Variants in ZNF253 observed in about 807,000 individuals in gnomAD.
The protein encoded by ZNF253 is DNA-binding protein.
In ZNF253, 8 loss-of-function variants were observed where a neutral mutation model predicts 11.9. The ratio of observed to expected loss-of-function variants is 0.67; its 90% confidence interval spans 0.40 to 1.22. The LOEUF (loss-of-function observed/expected upper bound fraction) is 1.22, where lower values mean the gene tolerates loss of function less well. Ranked by LOEUF, ZNF253 falls within the 50% of genes most tolerant of loss-of-function variation. ZNF253 has a pLI of 0.01. For missense variants in ZNF253, 485 were observed against 586.9 expected (o/e 0.83, Z 1.79); for synonymous variants, 194 against 194.9 (o/e 1.00, Z 0.04).
intron 3 of ZNF253, among the ~76,000 whole-genome samples, chr19:19,885,787 T>C (rs999652161): frequency 6.6e-6 from 1 of 152,222 alleles, no homozygotes; most frequent in Admixed American, 6.5e-5. Flanking sequence ...AATCCAACTT[T>C]ATTTTATCAG....
intron 1 of ZNF253, among the ~76,000 whole-genome samples, chr19:19,878,105 C>T (rs1373627621): frequency 6.6e-6 from 1 of 152,080 alleles, no homozygotes; most frequent in African/African-American, 2.4e-5. Context: ...AGGTCTTCAG[C>T]TTATTGTGTA....
chr19:19,872,577 A>ATATATATATATATAT (rs1555777035), intron 1 of ZNF253, among the ~76,000 whole-genome samples: 1 of 106,790 alleles, frequency 9.4e-6, no homozygotes, highest in African/African-American at 5.6e-5. Flanking sequence ...ATATATATAT[A>ATATATATATATATAT]TATTATTATA....
chr19:19,887,054 T>C (rs2063209112), intron 3 of ZNF253, among the ~76,000 whole-genome samples: 1 of 152,088 alleles, frequency 6.6e-6, no homozygotes, highest in African/African-American at 2.4e-5. Context: ...CAACTCACTT[T>C]ACTATAAAAT....
upstream of ZNF253, chr19:19,865,842 T>G (rs1195024718): frequency 2.0e-6 from 2 of 980,310 alleles, no homozygotes; most frequent in East Asian, 4.8e-5. Context: ...ACCACATGGT[T>G]TCTGGGGGCC....
At chr19:19,881,879 T>TC (rs1177231217) in intron 3 of ZNF253, among the ~76,000 whole-genome samples, 6 of 152,030 alleles carry the variant, frequency 3.9e-5, no homozygotes, top group Non-Finnish European at 8.8e-5. Context: ...GCCACATACT[T>TC]CCAGTGCTAC....
intron 3 of ZNF253, 140 bp downstream of exon 3, chr19:19,880,286 T>C: frequency 1.9e-6 from 1 of 529,298 alleles, no homozygotes; most frequent in Non-Finnish European, 3.2e-6. Flanking sequence ...TTTTTTTTTT[T>C]TTTTTTCTCC....
chr19:19,871,117 A>G (rs2063132160), intron 1 of ZNF253: 3 of 152,154 alleles, frequency 2.0e-5, no homozygotes, highest in Non-Finnish European at 4.4e-5. Context: ...TCACAGTGAG[A>G]ACTTTTGGAG....
At chr19:19,884,383 T>C (rs971271117) in intron 3 of ZNF253, among the ~76,000 whole-genome samples, 2 of 152,118 alleles carry the variant, frequency 1.3e-5, no homozygotes, top group African/African-American at 4.8e-5. Context: ...ATTTTTATTT[T>C]TTTTTTGAGA....
chr19:19,884,827 C>T (rs2063191899), intron 3 of ZNF253, among the ~76,000 whole-genome samples: 2 of 151,966 alleles, frequency 1.3e-5, no homozygotes, highest in Admixed American at 1.3e-4. Flanking sequence ...ATTATAGTGG[C>T]CATTCTAATG....
chr19:19,872,201 G>A lies in ZNF253; in HGVS notation c.3+6202G>A, dbSNP rs545129183. 4.7e-4 allele frequency among the ~76,000 whole-genome samples: 72 copies of A among 152,176 alleles called. 1 individual carries two copies. In the South Asian group the frequency reaches 0.015, roughly 32 times the overall value. On this transcript the variant is annotated intron_variant, in intron 1 of 3. Transcript: ENST00000589717. ...CTCACAGACCGAATCAGAGTAACGTGTGCATTGAATAGATGTGTAGACAAG... is the reference window on the plus strand; with the variant it reads ...CTCACAGACCGAATCAGAGTAACGTATGCATTGAATAGATGTGTAGACAAG...
Position 19,892,958 on chromosome 19 carries a change from T to C in ZNF253, c.*211T>C, listed in dbSNP as rs2063240076. Reference sequence around the variant, plus strand: ...CAAGTGTGAAGAATGTGGCAAAACCTATAAACCTATAACAAGTTCTCAATT... The same window carrying C: ...CAAGTGTGAAGAATGTGGCAAAACCCATAAACCTATAACAAGTTCTCAATT... On this transcript the variant is annotated 3_prime_UTR_variant, in exon 4 of 4. Transcript: ENST00000589717. 2 of 541,920 alleles carry C rather than the reference T, an allele frequency of 3.7e-6. No homozygotes were observed. Among genetic ancestry groups the C allele is most frequent in the Admixed American group, 3.5e-5 (1 of 28,724 alleles). 33.6% of individuals were successfully genotyped at this position (541,920 alleles called of 1,614,324 possible).
intron 1 of ZNF253, 54 bp downstream of exon 1, chr19:19,866,053 G>C: frequency 6.2e-7 from 1 of 1,613,088 alleles, no homozygotes; most frequent in Non-Finnish European, 8.5e-7. Flanking sequence ...TGGAACGGTG[G>C]GAAGTGGCTC....
intron 3 of ZNF253, among the ~76,000 whole-genome samples, chr19:19,886,899 G>T (rs2063208527): frequency 6.6e-6 from 1 of 152,026 alleles, no homozygotes; most frequent in South Asian, 2.1e-4. Context: ...TGCAAATGGA[G>T]TCTTGATGTC....
At chr19:19,885,287 CTT>C (rs2063198075) in intron 3 of ZNF253, among the ~76,000 whole-genome samples, 2 of 37,028 alleles carry the variant, frequency 5.4e-5, no homozygotes, top group Non-Finnish European at 8.5e-5. Context: ...TTCTTTCTTT[CTT>C]TCTCTTTCTT....
chr19:19,891,007 A>ATTTTTTTTTTTTTTTTTTTTTTTTTTT (rs1568501169), intron 3 of ZNF253, among the ~76,000 whole-genome samples: 6 of 149,814 alleles, frequency 4.0e-5, no homozygotes, highest in South Asian at 2.1e-4. Context: ...TGTCTGGCTA[A>ATTTTTTTTTTTTTTTTTTTTTTTTTTT]TTTTTTGTAT....
Position 19,893,670 on chromosome 19 carries a change from C to T in ZNF253, c.*923C>T, listed in dbSNP as rs2122147089. On this transcript the variant is annotated 3_prime_UTR_variant, in exon 4 of 4. Coordinates refer to ENST00000589717, the MANE Select transcript of ZNF253 (RefSeq NM_021047.3). The stretch of plus-strand genomic sequence containing the variant: ...ACCATTAATGCCTACTCACATCTTA[C>T]TGAACAGAAGAAGGTTCATAGTTAA... 1 of 152,326 alleles carries T rather than the reference C, an allele frequency of 6.6e-6. No homozygotes were observed. The highest frequency in any genetic ancestry group is 1.9e-4 in the East Asian group (1 of 5,192). The allele number at this position is 152,326 out of a possible 1,614,324, so 9.4% of individuals were successfully genotyped here. A position where few individuals can be genotyped will look rare whatever the true frequency, so the allele number is the denominator to read the frequency against.
intron 3 of ZNF253, among the ~76,000 whole-genome samples, chr19:19,882,470 T>C (rs1450003439): frequency 6.6e-6 from 1 of 152,122 alleles, no homozygotes; most frequent in African/African-American, 2.4e-5. Context: ...TTCCATTTTA[T>C]TTTTAGACAG....
chr19:19,880,415 G>T (rs921358418), intron 3 of ZNF253, among the ~76,000 whole-genome samples: 2 of 151,868 alleles, frequency 1.3e-5, no homozygotes, highest in Non-Finnish European at 2.9e-5. Context: ...CATGTAAAAG[G>T]CTGCGCGGGC....
intron 3 of ZNF253, among the ~76,000 whole-genome samples, chr19:19,887,266 C>A (rs535077881): frequency 2.0e-5 from 3 of 151,612 alleles, no homozygotes; most frequent in African/African-American, 7.3e-5. Flanking sequence ...ACCACTCAGG[C>A]ATTCTATTTT....
Sources: gnomAD v4.1 joint callset for allele counts (sites outside exome capture counted in the v4.1 genomes callset) on GRCh38, gnomAD v4.1.1 for gene constraint, MANE v1.5 for transcripts, NCBI Gene and HGNC (gene_info 2026-07-23, HGNC 2026-07-21) for gene names.